DGKH: variants seen among roughly 807,000 people sequenced by gnomAD.
The protein encoded by DGKH is DAG kinase eta.
DGKH carries 90 observed loss-of-function variants against 159.3 expected under a neutral mutation model. That is an observed-to-expected ratio of 0.57 (90% confidence interval 0.48 to 0.67). DGKH has a LOEUF of 0.67. DGKH is among the 30% of genes least tolerant of loss of function. The pLI is 0.00. For synonymous variants in DGKH, 536 were observed against 553.8 expected, an observed-to-expected ratio of 0.97 and a Z score of 0.45; for missense variants, 1,181 against 1,506.1, an observed-to-expected ratio of 0.78 and a Z score of 3.57.
At chr13:42,095,169 T>G (rs1954500008) in intron 1 of DGKH, among the ~76,000 whole-genome samples, 1 of 138,678 alleles carries the variant, frequency 7.2e-6, no homozygotes. Flanking sequence ...TTTTTTTTTT[T>G]TTTTTTTTTT....
intron 16 of DGKH, among the ~76,000 whole-genome samples, chr13:42,194,463 A>T (rs572010739): frequency 6.6e-6 from 1 of 152,198 alleles, no homozygotes; most frequent in Non-Finnish European, 1.5e-5. Flanking sequence ...ATGTTAAATC[A>T]TGTTTCACGT....
intron 1 of DGKH, among the ~76,000 whole-genome samples, chr13:42,099,750 G>A (rs1053996482): frequency 3.8e-4 from 58 of 152,188 alleles, no homozygotes; most frequent in African/African-American, 1.3e-3. Context: ...ACTGAGTAGC[G>A]CGTGTGAAGG....
chr13:42,052,112 G>T (rs1174244161), intron 1 of DGKH, among the ~76,000 whole-genome samples: 3 of 152,162 alleles, frequency 2.0e-5, no homozygotes, highest in African/African-American at 7.2e-5. Flanking sequence ...AATATGGGTT[G>T]TTTTAGGACA....
intron 1 of DGKH, among the ~76,000 whole-genome samples, chr13:42,073,242 G>A (rs1883091764): frequency 6.6e-6 from 1 of 152,206 alleles, no homozygotes; most frequent in Non-Finnish European, 1.5e-5. Flanking sequence ...AGGGTATGCA[G>A]TGTATTAATT....
At chr13:42,226,007 C>A (rs1363448720) in intron 29 of DGKH, among the ~76,000 whole-genome samples, 1 of 151,958 alleles carries the variant, frequency 6.6e-6, no homozygotes, top group East Asian at 1.9e-4. Context: ...TCAGAGCGAA[C>A]AGACAACCTA....
downstream of DGKH, among the ~76,000 whole-genome samples, chr13:42,246,722 T>TCTCCCACGCAGGC (rs1958583130): frequency 6.6e-6 from 1 of 152,026 alleles, no homozygotes; most frequent in South Asian, 2.1e-4. Flanking sequence ...ACATAGCTTC[T>TCTCCCACGCAGGC]CTCCCACGCA....
chr13:42,080,215 T>C (rs1176935392), intron 1 of DGKH, among the ~76,000 whole-genome samples: 1 of 152,250 alleles, frequency 6.6e-6, no homozygotes, highest in East Asian at 1.9e-4. Context: ...CTTTTTGATG[T>C]GGTGCATTCT....
intron 3 of DGKH, 93 bp from the exon 4 acceptor site, chr13:42,155,198 G>A (rs1214010443): frequency 1.1e-6 from 1 of 936,660 alleles, no homozygotes; most frequent in African/African-American, 1.7e-5. Context: ...AAAGACTCAA[G>A]TTAGAAATGG....
intron 29 of DGKH, among the ~76,000 whole-genome samples, chr13:42,249,549 C>T (rs1594273095): frequency 6.6e-6 from 1 of 152,232 alleles, no homozygotes. Flanking sequence ...ATATTTTCAG[C>T]TTTGCAGGAC....
At chr13:42,109,443 T>TAC (rs1387451147) in intron 1 of DGKH, among the ~76,000 whole-genome samples, 2 of 152,190 alleles carry the variant, frequency 1.3e-5, no homozygotes, top group African/African-American at 4.8e-5. Context: ...GATGGACGAT[T>TAC]ACACCACAAC....
At chr13:42,064,258 C>G (rs1291138688) in intron 1 of DGKH, among the ~76,000 whole-genome samples, 1 of 152,066 alleles carries the variant, frequency 6.6e-6, no homozygotes, top group South Asian at 2.1e-4. Flanking sequence ...GTATGGAGGT[C>G]TGAGGCTAGA....
At chr13:42,050,528 T>A (rs1348837793) in intron 1 of DGKH, among the ~76,000 whole-genome samples, 2 of 152,198 alleles carry the variant, frequency 1.3e-5, no homozygotes, top group African/African-American at 4.8e-5. Context: ...ATAGTGACGT[T>A]TTTGAGTTTG....
rs936795890 is a variant in DGKH at position 42,238,014 on chromosome 13, T to C, written c.*8826T>C. 12 of 152,220 alleles carry C rather than the reference T, an allele frequency of 7.9e-5. No homozygotes were observed. The highest frequency in any genetic ancestry group is 2.9e-4 in the African/African-American group (12 of 41,458). 9.4% of individuals were successfully genotyped at this position (152,220 alleles called of 1,614,324 possible). ...CTAGAGATGGGAACATGGTTTAGGT[T>C]TATCCAGTTCTGTAACTGACTTTGG... On this transcript the variant is annotated 3_prime_UTR_variant, in exon 30 of 30. Transcript: ENST00000337343.
At chr13:42,209,580 G>T in intron 23 of DGKH, 115 bp downstream of exon 23, 1 of 1,190,324 alleles carries the variant, frequency 8.4e-7, no homozygotes. Context: ...TGACATTTAG[G>T]TCATGGTGGT....
At chr13:42,113,292 T>C (rs989593307) in intron 1 of DGKH, among the ~76,000 whole-genome samples, 17 of 152,200 alleles carry the variant, frequency 1.1e-4, no homozygotes, top group African/African-American at 4.1e-4. Flanking sequence ...CAAATTATTA[T>C]ATGTACAATA....
chr13:42,135,623 A>G (rs1955389513), intron 3 of DGKH, among the ~76,000 whole-genome samples: 1 of 152,102 alleles, frequency 6.6e-6, no homozygotes, highest in South Asian at 2.1e-4. Context: ...TCATTTAAAA[A>G]AATTCATTTT....
At chr13:42,243,144 C>A (rs751087444), downstream of DGKH, among the ~76,000 whole-genome samples, 1 of 152,130 alleles carries the variant, frequency 6.6e-6, no homozygotes, top group Non-Finnish European at 1.5e-5. Context: ...AATACAGATC[C>A]CTCATGTTTC....
At chr13:42,137,831 AT>A (rs1197016985) in intron 3 of DGKH, among the ~76,000 whole-genome samples, 1 of 152,216 alleles carries the variant, frequency 6.6e-6, no homozygotes, top group African/African-American at 2.4e-5. Context: ...GGCACTCTTT[AT>A]TTTAAAAATT....
intron 6 of DGKH, 132 bp downstream of exon 6, chr13:42,159,504 T>C: frequency 1.4e-6 from 1 of 718,470 alleles, no homozygotes; most frequent in East Asian, 2.8e-5. Context: ...GATTCTGAGT[T>C]TTTATTTTTA....
Sources: gnomAD v4.1 joint callset for allele counts (sites outside exome capture counted in the v4.1 genomes callset) on GRCh38, gnomAD v4.1.1 for gene constraint, MANE v1.5 for transcripts, NCBI Gene and HGNC (gene_info 2026-07-23, HGNC 2026-07-21) for gene names.